REV3L: variants seen among roughly 807,000 people sequenced by gnomAD.
The protein encoded by REV3L is REV3 like, DNA directed polymerase zeta catalytic subunit.
A neutral mutation model predicts 299.4 loss-of-function variants in REV3L; 69 were observed. That is an observed-to-expected ratio of 0.23 (90% confidence interval 0.19 to 0.28). The LOEUF is 0.28. Among genes scored for constraint, REV3L ranks in the 10% least tolerant of loss-of-function variants. The pLI is 1.00. For synonymous variants in REV3L, 1,238 were observed against 1,271.4 expected (o/e 0.97, Z 0.56); for missense variants, 3,128 against 3,693.8 (o/e 0.85, Z 3.97).
chr6:111,441,755 G>A (rs1788287887), intron 1 of REV3L, among the ~76,000 whole-genome samples: 1 of 152,142 alleles, frequency 6.6e-6, no homozygotes, highest in Middle Eastern at 3.2e-3. Flanking sequence ...GTCTCATACT[G>A]TCTTTGGGTT....
chr6:111,398,289 A>G (rs906630668), intron 4 of REV3L, among the ~76,000 whole-genome samples: 11 of 152,006 alleles, frequency 7.2e-5, no homozygotes, highest in Admixed American at 3.9e-4. Flanking sequence ...CTAAAATTGT[A>G]TCCTAAAAAT....
Position 111,416,491 on chromosome 6 carries a change from TAA to T in REV3L, c.140-21_140-20del. 6.3e-7 allele frequency: 1 copy of T among 1,587,138 alleles called. No homozygotes were observed. Among genetic ancestry groups the T allele is most frequent in the African/African-American group, 1.3e-5 (1 of 74,354 alleles). On this transcript the variant is annotated intron_variant, in intron 1 of 31. Transcript: ENST00000368802. ...TTCTGACCTAAAATGTAACACATTATAAAGTTTAGTTTCCAGACACAGTTTAA... is the reference window on the plus strand; with the variant it reads ...TTCTGACCTAAAATGTAACACATTATAGTTTAGTTTCCAGACACAGTTTAA...
intron 10 of REV3L, among the ~76,000 whole-genome samples, chr6:111,380,780 G>C (rs1402297925): frequency 6.6e-6 from 1 of 152,222 alleles, no homozygotes; most frequent in Admixed American, 6.5e-5. Flanking sequence ...GACTGCACAG[G>C]GTCTTGGCCG....
At chr6:111,342,448 C>G (rs1776603000) in intron 21 of REV3L, among the ~76,000 whole-genome samples, 1 of 152,128 alleles carries the variant, frequency 6.6e-6, no homozygotes. Context: ...GCGGGCGGAT[C>G]ATGAGGTCAG....
In REV3L at chr6:111,357,008, C is replaced by T. The variant is rs1384323266; in HGVS notation, c.7184+6G>A. ...AACTGGAAAAATCAGATATACAAAA[C>T]AATACCTCTTTATTATATTTGCAAT... On this transcript the variant is annotated splice_donor_region_variant and intron_variant, in intron 18 of 31. Transcript: ENST00000368802. 2 of 1,502,488 alleles carry T rather than the reference C, an allele frequency of 1.3e-6. No individual in the cohort carries two copies. Among genetic ancestry groups the T allele is most frequent in the Non-Finnish European group, 1.8e-6 (2 of 1,095,628 alleles). 93.1% of individuals were successfully genotyped at this position (1,502,488 alleles called of 1,614,324 possible). A position where few individuals can be genotyped will look rare whatever the true frequency, so the allele number is the denominator to read the frequency against.
At chr6:111,386,568 C>T (rs536427591) in intron 9 of REV3L, among the ~76,000 whole-genome samples, 2 of 152,182 alleles carry the variant, frequency 1.3e-5, no homozygotes, top group South Asian at 4.1e-4. Flanking sequence ...CACAAATATA[C>T]CACATGCCCT....
intron 4 of REV3L, among the ~76,000 whole-genome samples, chr6:111,405,217 C>G (rs1237495328): frequency 6.6e-6 from 1 of 151,978 alleles, no homozygotes; most frequent in African/African-American, 2.4e-5. Flanking sequence ...AGCCTGTATA[C>G]TAAAAACCAT....
chr6:111,428,230 C>G (rs1049995503), intron 1 of REV3L, among the ~76,000 whole-genome samples: 5 of 151,880 alleles, frequency 3.3e-5, no homozygotes, highest in African/African-American at 1.2e-4. Context: ...AGTGACTGAC[C>G]CTAAGAAGAC....
At chr6:111,448,877 TCCTCAAGCAATCTTG>T (rs769942571) in intron 1 of REV3L, among the ~76,000 whole-genome samples, 118 of 145,638 alleles carry the variant, frequency 8.1e-4, no homozygotes, top group Non-Finnish European at 1.3e-3. Flanking sequence ...AGTTAGAGAC[TCCTCAAGCAATCTTG>T]CCTCAAGCAA....
chr6:111,320,878 T>G (rs928999565), intron 26 of REV3L, among the ~76,000 whole-genome samples: 3 of 152,294 alleles, frequency 2.0e-5, no homozygotes, highest in African/African-American at 7.2e-5. Flanking sequence ...TTAAAACTTC[T>G]GGGCTCAAGC....
chr6:111,307,806 TA>T (rs1772497573), intron 30 of REV3L: 1 of 476,602 alleles, frequency 2.1e-6, no homozygotes, highest in South Asian at 2.7e-5. Context: ...ATTTTTTTTT[TA>T]TTATTATAAT....
intron 1 of REV3L, among the ~76,000 whole-genome samples, chr6:111,450,627 A>G (rs557960424): frequency 3.3e-5 from 5 of 152,104 alleles, no homozygotes; most frequent in African/African-American, 1.2e-4. Context: ...CAAAACAAAA[A>G]AGGTAGAAAA....
rs993197751 is a variant in REV3L at position 111,383,351 on chromosome 6, C to T, written c.1097-1907G>A. The stretch of plus-strand genomic sequence containing the variant: ...AAGAAGTCGAATTATCCTTATCTGC[C>T]GATGGTATGATCTTATATTAGGAAA... On this transcript the variant is annotated intron_variant, in intron 9 of 31. Coordinates refer to ENST00000368802, the MANE Select transcript of REV3L (RefSeq NM_001372078.1). Among the ~76,000 whole-genome samples the T allele has an allele frequency of 3.3e-5, 5 of 152,116 alleles. No homozygotes were observed. The South Asian group carries it at 8.3e-4, about 25-fold the overall frequency.
At chr6:111,328,183 A>G (rs1775034652) in intron 25 of REV3L, among the ~76,000 whole-genome samples, 1 of 152,248 alleles carries the variant, frequency 6.6e-6, no homozygotes, top group South Asian at 2.1e-4. Context: ...CTATCATTGC[A>G]AAAAAGGTTG....
intron 1 of REV3L, among the ~76,000 whole-genome samples, chr6:111,428,095 A>G (rs574667660): frequency 6.6e-6 from 1 of 152,314 alleles, no homozygotes; most frequent in South Asian, 2.1e-4. Flanking sequence ...ATAAAAACCA[A>G]AACAAGCCAG....
Position 111,376,076 on chromosome 6 carries a change from A to C in REV3L, c.2279T>G (p.Leu760Arg), listed in dbSNP as rs1182108357. ...TCCACTTTCATCAGCAGTGCTATTAAGAGAATGCACCATAGTTCTATTCTC... is the reference window on the plus strand; with the variant it reads ...TCCACTTTCATCAGCAGTGCTATTACGAGAATGCACCATAGTTCTATTCTC... ...SGENRTMVHSLNSTADESGLN... is the reference protein window; with the variant it reads ...SGENRTMVHSRNSTADESGLN... The change falls in exon 13 of 32, where the codon CTT (leucine) becomes CGT (arginine). Residue 760 changes from leucine (L) to arginine (R), a missense_variant. Leu to Arg is a moderately radical substitution (Grantham distance 102, BLOSUM62 -2). Transcript: ENST00000368802. 2 of 1,613,822 alleles carry C rather than the reference A, an allele frequency of 1.2e-6. No individual in the cohort carries two copies.
chr6:111,480,666 A>G (rs1162017126), intron 1 of REV3L, among the ~76,000 whole-genome samples: 1 of 152,070 alleles, frequency 6.6e-6, no homozygotes, highest in Non-Finnish European at 1.5e-5. Context: ...GGCAAATTCA[A>G]TTTGATAATC....
chr6:111,430,355 T>C, intron 1 of REV3L: 2 of 1,220,080 alleles, frequency 1.6e-6, no homozygotes, highest in African/African-American at 1.5e-5. Context: ...AAACACCCAA[T>C]GGATTTTAAA....
chr6:111,430,333 T>C, intron 1 of REV3L: 2 of 1,156,862 alleles, frequency 1.7e-6, no homozygotes, highest in Non-Finnish European at 2.6e-6. Context: ...TCCTGGCTAC[T>C]CCATGATCAT....
Sources: gnomAD v4.1 joint callset for allele counts (sites outside exome capture counted in the v4.1 genomes callset) on GRCh38, gnomAD v4.1.1 for gene constraint, MANE v1.5 for transcripts, NCBI Gene and HGNC (gene_info 2026-07-23, HGNC 2026-07-21) for gene names.